The following GALNTL6 variants were observed in gnomAD, a reference collection of about 807,000 sequenced individuals.
GALNTL6 encodes polypeptide N-acetylgalactosaminyltransferase-like 6.
GALNTL6 carries 46 observed loss-of-function variants against 73.7 expected under a neutral mutation model. That is an observed-to-expected ratio of 0.62 (90% CI 0.49 to 0.80). The LOEUF is 0.80. Ranked by LOEUF, GALNTL6 falls within the 30% of genes least tolerant of loss-of-function variation. The pLI is 0.00. For missense variants in GALNTL6, 604 were observed against 755.0 expected (o/e 0.80, Z 2.34); for synonymous variants, 259 against 263.7 (o/e 0.98, Z 0.17).
chr4:172,923,872 C>T (rs1747913134), intron 8 of GALNTL6, among the ~76,000 whole-genome samples: 1 of 152,050 alleles, frequency 6.6e-6, no homozygotes, highest in Admixed American at 6.5e-5. Context: ...GTGAGACTTA[C>T]TACCACGAGA....
chr4:172,354,911 T>G (rs1315757919), intron 5 of GALNTL6, among the ~76,000 whole-genome samples: 1 of 152,080 alleles, frequency 6.6e-6, no homozygotes, highest in Non-Finnish European at 1.5e-5. Context: ...TATTGTCTCC[T>G]TTTTCTCCTG....
chr4:172,319,049 C>T (rs979794648), intron 4 of GALNTL6, among the ~76,000 whole-genome samples: 3 of 152,146 alleles, frequency 2.0e-5, no homozygotes, highest in African/African-American at 7.2e-5. Context: ...TAAATTTTCC[C>T]CTTCCTCGTT....
At chr4:172,088,449 C>A (rs546982366) in intron 2 of GALNTL6, among the ~76,000 whole-genome samples, 175 of 152,206 alleles carry the variant, frequency 1.1e-3, no homozygotes, top group Middle Eastern at 3.4e-3. Flanking sequence ...CAATGTGGTA[C>A]AGATGTGTAT....
At chr4:172,199,332 A>G (rs1579245005) in intron 2 of GALNTL6, among the ~76,000 whole-genome samples, 2 of 152,234 alleles carry the variant, frequency 1.3e-5, no homozygotes, top group Non-Finnish European at 2.9e-5. Flanking sequence ...CAAAAAGACC[A>G]TCTCAGTAAA....
chr4:172,419,259 T>C (rs913695652), intron 5 of GALNTL6, among the ~76,000 whole-genome samples: 1 of 152,158 alleles, frequency 6.6e-6, no homozygotes, highest in Admixed American at 6.6e-5. Context: ...CAAGGCAACC[T>C]AGGTCACAGT....
chr4:172,260,421 A>G (rs146025364), intron 3 of GALNTL6, among the ~76,000 whole-genome samples: 60 of 151,846 alleles, frequency 4.0e-4, no homozygotes, highest in Middle Eastern at 3.4e-3. Flanking sequence ...CTGTTGGTGT[A>G]TAGCAGTGCT....
chr4:172,042,648 CT>C (rs565687252), intron 2 of GALNTL6, among the ~76,000 whole-genome samples: 1 of 151,768 alleles, frequency 6.6e-6, no homozygotes, highest in Non-Finnish European at 1.5e-5. Flanking sequence ...GAAAAATCTG[CT>C]TTTTTTAAAA....
intron 5 of GALNTL6, among the ~76,000 whole-genome samples, chr4:172,461,063 T>C (rs1732593238): frequency 6.6e-6 from 1 of 152,170 alleles, no homozygotes; most frequent in Non-Finnish European, 1.5e-5. Flanking sequence ...TCATGTCCTT[T>C]GGAGGGACAT....
chr4:172,099,517 A>G (rs1732452797), intron 2 of GALNTL6, among the ~76,000 whole-genome samples: 1 of 152,092 alleles, frequency 6.6e-6, no homozygotes, highest in Non-Finnish European at 1.5e-5. Context: ...TTTTCCAACA[A>G]AGACCAGAAA....
At chr4:172,957,790 C>T (rs1181527696) in intron 10 of GALNTL6, among the ~76,000 whole-genome samples, 7 of 152,138 alleles carry the variant, frequency 4.6e-5, no homozygotes, top group Admixed American at 1.3e-4. Context: ...GCAATGAGTT[C>T]GGCTTGCTGA....
chr4:171,926,262 A>G (rs528520069), intron 2 of GALNTL6, among the ~76,000 whole-genome samples: 1 of 152,262 alleles, frequency 6.6e-6, no homozygotes, highest in Non-Finnish European at 1.5e-5. Context: ...CAAATGACAT[A>G]TAGTATGATG....
intron 5 of GALNTL6, among the ~76,000 whole-genome samples, chr4:172,703,434 GC>G (rs1366860567): frequency 2.0e-5 from 3 of 151,916 alleles, no homozygotes; most frequent in Non-Finnish European, 2.9e-5. Context: ...TGTGTTTTCT[GC>G]CTCTATGGAG....
chr4:172,466,093 T>C (rs1160082113), intron 5 of GALNTL6, among the ~76,000 whole-genome samples: 1 of 152,212 alleles, frequency 6.6e-6, no homozygotes, highest in Non-Finnish European at 1.5e-5. Context: ...TAATAACTTT[T>C]AGTAACATTT....
At position 172,334,226 on chromosome 4, in the gene GALNTL6, C is replaced by G. The variant is rs192520777; in HGVS notation, c.387-14297C>G. On this transcript the variant is annotated intron_variant, in intron 4 of 12. Transcript: ENST00000506823. ...TTCTTTTTGCTTAGGACTGCTTTGG[C>G]TATTTGGGCTCTCTTTTGGTTCTAT... Among the ~76,000 whole-genome samples, 323 of 152,190 alleles carry G rather than the reference C, an allele frequency of 2.1e-3. 1 individual carries two copies. The highest frequency in any genetic ancestry group is 7.5e-3 in the African/African-American group (312 of 41,544).
intron 7 of GALNTL6, among the ~76,000 whole-genome samples, chr4:172,815,458 A>C (rs1459705448): frequency 1.3e-5 from 2 of 152,204 alleles, no homozygotes; most frequent in Non-Finnish European, 2.9e-5. Context: ...TTTAAGGGCT[A>C]GAACTCACCC....
intron 2 of GALNTL6, among the ~76,000 whole-genome samples, chr4:171,975,050 G>A (rs912864346): frequency 1.3e-4 from 20 of 152,056 alleles, no homozygotes; most frequent in Admixed American, 1.2e-3. Flanking sequence ...TTCAAACACC[G>A]AGTGGGAAAT....
intron 2 of GALNTL6, among the ~76,000 whole-genome samples, chr4:172,107,323 A>C (rs1437384368): frequency 6.6e-6 from 1 of 152,196 alleles, no homozygotes; most frequent in Non-Finnish European, 1.5e-5. Flanking sequence ...AAAATCAGAT[A>C]ACTTATTATT....
intron 2 of GALNTL6, among the ~76,000 whole-genome samples, chr4:171,957,993 C>G (rs897625471): frequency 2.6e-5 from 4 of 152,076 alleles, no homozygotes; most frequent in Non-Finnish European, 5.9e-5. Context: ...GCATGTAAAA[C>G]GTTTATGTTT....
chr4:172,154,910 T>C (rs1378396935), intron 2 of GALNTL6, among the ~76,000 whole-genome samples: 2 of 152,202 alleles, frequency 1.3e-5, no homozygotes, highest in Non-Finnish European at 1.5e-5. Context: ...AAAATTAATA[T>C]GTCAAAATCC....
Sources: gnomAD v4.1 joint callset for allele counts (sites outside exome capture counted in the v4.1 genomes callset) on GRCh38, gnomAD v4.1.1 for gene constraint, MANE v1.5 for transcripts, NCBI Gene and HGNC (gene_info 2026-07-23, HGNC 2026-07-21) for gene names.